CLCN6: variants seen among roughly 807,000 people sequenced by gnomAD.
The protein encoded by CLCN6 is Cl-/H+ antiporter 6.
CLCN6 carries 70 observed loss-of-function variants against 109.8 expected under a neutral mutation model. The observed-to-expected ratio is 0.64, with a 90% CI of 0.53 to 0.78. The LOEUF is 0.78. Among genes scored for constraint, CLCN6 ranks in the 30% least tolerant of loss-of-function variants. CLCN6 has a pLI of 0.00. For missense variants in CLCN6, 984 were observed against 1,142.3 expected, an observed-to-expected ratio of 0.86 and a Z score of 2.00; for synonymous variants, 444 against 447.8, an observed-to-expected ratio of 0.99 and a Z score of 0.11.
intron 2 of CLCN6, among the ~76,000 whole-genome samples, chr1:11,811,057 G>A (rs527289400): frequency 2.6e-5 from 4 of 152,002 alleles, no homozygotes; most frequent in South Asian, 2.1e-4. Context: ...CAACAAATAC[G>A]AAAAAATTAA....
At chr1:11,821,333 G>T (rs985469433) in intron 5 of CLCN6, among the ~76,000 whole-genome samples, 1 of 151,784 alleles carries the variant, frequency 6.6e-6, no homozygotes, top group African/African-American at 2.4e-5. Context: ...CGAGGCAGGC[G>T]GATCACTTGA....
At chr1:11,813,201 C>T (rs1004583486) in intron 2 of CLCN6, among the ~76,000 whole-genome samples, 3 of 152,160 alleles carry the variant, frequency 2.0e-5, no homozygotes, top group African/African-American at 7.2e-5. Context: ...TAAGTGGATG[C>T]CTTTGCTCCC....
rs200771722 is a variant in CLCN6 at position 11,833,507 on chromosome 1, C to T, written c.1249-8C>T. On this transcript the variant is annotated splice_polypyrimidine_tract_variant and splice_region_variant and intron_variant, in intron 13 of 22. Transcript: ENST00000346436. ...CCTTGTACTGATTTTCTGATTCCTTCTTCTCAGGTCACAGAAGATGTGAAT... is the reference window on the plus strand; with the variant it reads ...CCTTGTACTGATTTTCTGATTCCTTTTTCTCAGGTCACAGAAGATGTGAAT... 47 of 1,613,470 alleles carry T rather than the reference C, an allele frequency of 2.9e-5. No homozygotes were observed. The highest frequency in any genetic ancestry group is 3.7e-5 in the Non-Finnish European group (44 of 1,179,852).
intron 3 of CLCN6, 142 bp downstream of exon 3, chr1:11,816,053 C>T (rs1207456972): frequency 1.7e-5 from 11 of 642,526 alleles, no homozygotes; most frequent in South Asian, 5.7e-5. Flanking sequence ...TCACTTTATG[C>T]GCTTTGCTTT....
chr1:11,840,161 C>T lies in CLCN6; in HGVS notation c.2548C>T (p.Arg850Trp). ...GCCCTAGATCGTGGGGATCATCACA[C>T]GGCACAACCTCACCTATGAATTTCT... is the stretch of plus-strand genomic sequence containing the variant. ...AVGEIVGIITRHNLTYEFLQA... is the reference protein window; with the variant it reads ...AVGEIVGIITWHNLTYEFLQA... Residue 850 changes from arginine to tryptophan, a missense_variant, in exon 23 of 23, where the codon CGG becomes TGG. Coordinates refer to ENST00000346436, the MANE Select transcript of CLCN6 (RefSeq NM_001286.5). The T allele has an allele frequency of 1.9e-6, 3 of 1,613,938 alleles. No homozygotes were observed. Among genetic ancestry groups the T allele is most frequent in the South Asian group, 1.1e-5 (1 of 91,090 alleles).
At chr1:11,812,229 C>T (rs1644607835) in intron 2 of CLCN6, among the ~76,000 whole-genome samples, 1 of 152,154 alleles carries the variant, frequency 6.6e-6, no homozygotes, top group Non-Finnish European at 1.5e-5. Context: ...TCAGAAAACA[C>T]AGAAATGCTA....
intron 12 of CLCN6, 38 bp downstream of exon 12, chr1:11,828,662 G>A: frequency 6.4e-7 from 1 of 1,560,084 alleles, no homozygotes; most frequent in Non-Finnish European, 8.7e-7. Context: ...GCCTGCTGCG[G>A]CTCCCTGAGC....
intron 8 of CLCN6, among the ~76,000 whole-genome samples, chr1:11,825,623 T>C (rs1440333620): frequency 1.3e-5 from 2 of 152,142 alleles, no homozygotes; most frequent in African/African-American, 2.4e-5. Context: ...TTCCCAAGTT[T>C]TTTTATTTTC....
At chr1:11,830,783 T>TACACACACACACACAC in intron 13 of CLCN6, among the ~76,000 whole-genome samples, 1 of 137,844 alleles carries the variant, frequency 7.3e-6, no homozygotes, top group East Asian at 2.0e-4. Flanking sequence ...ACACTATATA[T>TACACACACACACACAC]ACACACACAC....
At chr1:11,825,070 A>C (rs1362212123) in intron 8 of CLCN6, among the ~76,000 whole-genome samples, 3 of 152,138 alleles carry the variant, frequency 2.0e-5, no homozygotes, top group South Asian at 2.1e-4. Flanking sequence ...TCAGATGGGG[A>C]AACTGAGGCT....
intron 17 of CLCN6, 146 bp from the exon 18 acceptor site, chr1:11,835,821 C>G (rs1178069122): frequency 3.2e-6 from 2 of 617,882 alleles, no homozygotes; most frequent in Admixed American, 3.0e-5. Context: ...CAAAGGAATG[C>G]ATCGGGTTTG....
Position 11,840,042 on chromosome 1 carries a change from C to T in CLCN6, c.2530-101C>T, listed in dbSNP as rs569985911. On this transcript the variant is annotated intron_variant, in intron 22 of 22. Coordinates refer to ENST00000346436, the MANE Select transcript of CLCN6 (RefSeq NM_001286.5). ...GTGTCTGGCTGTGCACTATCCAGGC[C>T]TCCACATTCTGTGACAAACTAACAG... 43 of 957,922 alleles carry T rather than the reference C, an allele frequency of 4.5e-5. No homozygotes were observed. The African/African-American group carries it at 5.1e-4, about 11-fold the overall frequency. 59.3% of individuals were successfully genotyped at this position (957,922 alleles called of 1,614,324 possible). A position where few individuals can be genotyped will look rare whatever the true frequency, so the allele number is the denominator to read the frequency against.
intron 18 of CLCN6, among the ~76,000 whole-genome samples, chr1:11,836,451 CCAG>C (rs1644951340): frequency 6.6e-6 from 1 of 152,118 alleles, no homozygotes; most frequent in Non-Finnish European, 1.5e-5. Flanking sequence ...TCTAGAGATG[CCAG>C]CAACAGAAAT....
Position 11,840,224 on chromosome 1 carries a change from C to G in CLCN6, c.*1C>G. ...GAGGCAGCACTACCAGACCATCTGA[C>G]AGCCCAGCCCACCCTCTCCTGGTGC... is the stretch of plus-strand genomic sequence containing the variant. On this transcript the variant is annotated 3_prime_UTR_variant, in exon 23 of 23. Coordinates refer to ENST00000346436, the MANE Select transcript of CLCN6 (RefSeq NM_001286.5). 1 of 1,611,558 alleles carries G rather than the reference C, an allele frequency of 6.2e-7. No homozygotes were observed. The highest frequency in any genetic ancestry group is 1.1e-5 in the South Asian group (1 of 91,080).
chr1:11,827,469 T>G (rs558071527), intron 10 of CLCN6, among the ~76,000 whole-genome samples: 141 of 143,846 alleles, frequency 9.8e-4, no homozygotes, highest in Admixed American at 2.6e-3. Context: ...GGAGTCTTGC[T>G]CTGTTGCCCA....
rs1570540932 is a variant in CLCN6 at position 11,836,049 on chromosome 1, C to T, written c.1876C>T (p.Arg626Cys). The stretch of plus-strand genomic sequence containing the variant: ...CATCCAGTCTCTGGTGAGCATCCTG[C>T]GCACCACGGTCCACCATGCCTTCCC... ...TRIQSLVSIL[R>C]TTVHHAFPVV... The change falls in exon 18 of 23, where the codon CGC becomes TGC. Residue 626 changes from arginine to cysteine, a missense_variant. Transcript: ENST00000346436. 1.2e-6 allele frequency: 2 copies of T among 1,613,924 alleles called. No homozygotes were observed. Among genetic ancestry groups the T allele is most frequent in the East Asian group, 2.2e-5 (1 of 44,856 alleles).
intron 5 of CLCN6, among the ~76,000 whole-genome samples, chr1:11,820,162 G>T (rs1472319854): frequency 6.6e-6 from 1 of 152,090 alleles, no homozygotes; most frequent in Non-Finnish European, 1.5e-5. Context: ...AATAAAAGAC[G>T]CTGTGTTATT....
chr1:11,836,949 G>A (rs1365605935), intron 18 of CLCN6, 50 bp from the exon 19 acceptor site: 17 of 1,596,434 alleles, frequency 1.1e-5, no homozygotes, highest in Non-Finnish European at 1.4e-5. Flanking sequence ...CATCAGTACT[G>A]CTGTGTTCGT....
chr1:11,830,094 CCTT>C (rs138115811), intron 13 of CLCN6: 5,645 of 152,316 alleles, frequency 0.037, 155 homozygotes, highest in Middle Eastern at 0.071. Flanking sequence ...CCTCCTTTTC[CCTT>C]CTTGGGGGGC....
Sources: gnomAD v4.1 joint callset for allele counts (sites outside exome capture counted in the v4.1 genomes callset) on GRCh38, gnomAD v4.1.1 for gene constraint, MANE v1.5 for transcripts, NCBI Gene and HGNC (gene_info 2026-07-23, HGNC 2026-07-21) for gene names.